The following BTBD8 variants were observed in gnomAD, a reference collection of about 807,000 sequenced individuals.
BTBD8 encodes BTB/POZ domain-containing protein 8.
A neutral mutation model predicts 162.9 loss-of-function variants in BTBD8; 110 were observed. That is an observed-to-expected ratio of 0.68 (90% CI 0.58 to 0.79). The LOEUF is 0.79. Among genes scored for constraint, BTBD8 ranks in the 30% least tolerant of loss-of-function variants. BTBD8 has a pLI of 0.00. For missense variants in BTBD8, 1,905 were observed against 2,085.4 expected (o/e 0.91, Z 1.68); for synonymous variants, 667 against 716.1 (o/e 0.93, Z 1.10).
chr1:92,105,079 C>T (rs1430751147), intron 3 of BTBD8, among the ~76,000 whole-genome samples: 1 of 151,810 alleles, frequency 6.6e-6, no homozygotes, highest in Non-Finnish European at 1.5e-5. Context: ...ACTACAGGCA[C>T]CTGCCACCAC....
intron 4 of BTBD8, among the ~76,000 whole-genome samples, chr1:92,119,893 CTTTTTTTTTTT>C (rs58297367): frequency 0.063 from 3,728 of 58,856 alleles, 245 homozygotes; most frequent in African/African-American, 0.22. Flanking sequence ...CGGCCCTTTT[CTTTTTTTTTTT>C]TTTTTTTTTT....
chr1:92,142,998 C>G (rs1048257536), intron 7 of BTBD8, among the ~76,000 whole-genome samples: 8 of 152,136 alleles, frequency 5.3e-5, no homozygotes, highest in African/African-American at 1.9e-4. Context: ...AACCATAAAT[C>G]TAGTCAGCAA....
chr1:92,167,439 G>C (rs905357756), intron 10 of BTBD8, among the ~76,000 whole-genome samples: 3 of 152,196 alleles, frequency 2.0e-5, no homozygotes, highest in African/African-American at 7.2e-5. Flanking sequence ...TAAAGGTACT[G>C]TTTTGGCCAG....
chr1:92,144,388 C>A (rs1319503959), intron 7 of BTBD8, among the ~76,000 whole-genome samples: 3 of 152,078 alleles, frequency 2.0e-5, no homozygotes, highest in Admixed American at 6.6e-5. Flanking sequence ...CCCCAGAACT[C>A]CTAGCAAGCT....
chr1:92,176,779 A>G (rs1482103463), intron 13 of BTBD8, 50 bp from the exon 14 acceptor site: 2 of 885,022 alleles, frequency 2.3e-6, no homozygotes, highest in Non-Finnish European at 3.2e-6. Flanking sequence ...AAAATATTAT[A>G]TGTTAAAGAT....
chr1:92,182,393 C>G lies in BTBD8; in HGVS notation c.4710C>G (p.Ser1570Arg). 6.5e-7 allele frequency: 1 copy of G among 1,549,498 alleles called. No individual in the cohort carries two copies. The highest frequency in any genetic ancestry group is 2.4e-5 in the East Asian group (1 of 40,890). The change falls in exon 17 of 18, where the codon AGC becomes AGG. Residue 1570 changes from serine to arginine, a missense_variant. Around this residue, in one of 3 missense-constraint regions of BTBD8, gnomAD observed 517 missense variants for 606.6 expected, o/e 0.85. Transcript: ENST00000636805. ...TGGAAAATGACATTCAGCAACGCAG[C>G]AAATTCTTGGATAGTGATGTAAAAT... ...SNVENDIQQR[S>R]KFLDSDVKSQ... is the part of the protein sequence containing the mutation.
intron 2 of BTBD8, among the ~76,000 whole-genome samples, chr1:92,090,103 G>A (rs978245034): frequency 2.6e-5 from 4 of 151,940 alleles, no homozygotes; most frequent in East Asian, 1.9e-4. Context: ...GCTATAATAC[G>A]TATATACAAA....
At chr1:92,111,751 A>G (rs1028038095) in intron 4 of BTBD8, among the ~76,000 whole-genome samples, 4 of 152,240 alleles carry the variant, frequency 2.6e-5, no homozygotes, top group East Asian at 3.8e-4. Flanking sequence ...TAAGCTTTCA[A>G]AAGTAAATGT....
intron 5 of BTBD8, among the ~76,000 whole-genome samples, chr1:92,134,124 T>C (rs1649574479): frequency 1.2e-5 from 1 of 81,996 alleles, no homozygotes; most frequent in African/African-American, 4.2e-5. Context: ...AGCCAACACT[T>C]CTGTGAAGGA....
At chr1:92,133,132 T>C (rs549284122) in intron 5 of BTBD8, among the ~76,000 whole-genome samples, 11 of 152,208 alleles carry the variant, frequency 7.2e-5, no homozygotes, top group Non-Finnish European at 1.6e-4. Flanking sequence ...AAATTCCAGT[T>C]TCCCATTAAC....
intron 1 of BTBD8, among the ~76,000 whole-genome samples, chr1:92,081,502 G>A (rs1432934153): frequency 6.6e-6 from 1 of 152,226 alleles, no homozygotes; most frequent in Non-Finnish European, 1.5e-5. Context: ...TGATGCTAAT[G>A]CTGCTGGCTA....
chr1:92,157,640 G>A (rs1650190459), intron 9 of BTBD8, among the ~76,000 whole-genome samples: 1 of 152,046 alleles, frequency 6.6e-6, no homozygotes, highest in Non-Finnish European at 1.5e-5. Flanking sequence ...TGGAACTACA[G>A]GCATGTGCCA....
intron 3 of BTBD8, among the ~76,000 whole-genome samples, chr1:92,104,966 C>G (rs1648686679): frequency 6.6e-6 from 1 of 150,662 alleles, no homozygotes; most frequent in Admixed American, 6.6e-5. Flanking sequence ...GAGTCTCACT[C>G]CGTAACCCAG....
At chr1:92,133,275 C>CT (rs1460888425) in intron 5 of BTBD8, among the ~76,000 whole-genome samples, 1 of 152,164 alleles carries the variant, frequency 6.6e-6, no homozygotes, top group Non-Finnish European at 1.5e-5. Flanking sequence ...CATTCCTTAA[C>CT]TTTCCTGAGC....
chr1:92,150,035 T>C (rs1650010833), intron 9 of BTBD8, among the ~76,000 whole-genome samples: 1 of 152,188 alleles, frequency 6.6e-6, no homozygotes, highest in Admixed American at 6.5e-5. Context: ...CCCCTACAGT[T>C]GTGTAAGGTC....
chr1:92,124,262 T>C lies in BTBD8; in HGVS notation c.663-5425T>C, dbSNP rs1485821597. Among the ~76,000 whole-genome samples, 3 of 152,250 alleles carry C rather than the reference T, an allele frequency of 2.0e-5. No individual in the cohort carries two copies. In the South Asian group the frequency reaches 6.2e-4, roughly 31 times the overall value. ...GATGCCTTGAAAGCATGCTTTCCTT[T>C]TTTTTGCTTCTTTTCTTAAATATAT... On this transcript the variant is annotated intron_variant, in intron 4 of 17. Coordinates refer to ENST00000636805, the MANE Select transcript of BTBD8 (RefSeq NM_001376131.1).
intron 12 of BTBD8, among the ~76,000 whole-genome samples, chr1:92,169,935 A>G (rs572159372): frequency 5.5e-4 from 84 of 152,316 alleles, no homozygotes; most frequent in African/African-American, 1.8e-3. Context: ...AGAATCTCTT[A>G]GAAATTGGAC....
At position 92,184,148 on chromosome 1, in the gene BTBD8, C is replaced by G. The variant is rs892107520; in HGVS notation, c.5197C>G (p.Leu1733Val). 4 of 1,551,522 alleles carry G rather than the reference C, an allele frequency of 2.6e-6. No homozygotes were observed. In the African/African-American group the frequency reaches 5.5e-5, roughly 21 times the overall value. The change falls in exon 18 of 18, where the codon CTA (leucine) becomes GTA (valine). Residue 1733 changes from leucine (L) to valine (V), a missense_variant. Physicochemically the swap from Leu to Val is conservative, Grantham distance 32 (BLOSUM62 1). This residue lies in a region of BTBD8 where 517 missense variants were observed against 606.6 expected (regional missense o/e 0.85). Transcript: ENST00000636805. ...SLAQYLINQT[L>V]LLARDSSKPQ... Reference sequence around the variant, plus strand: ...AGCACAGTATCTAATCAATCAGACACTACTTTTAGCACGAGATAGCTCAAA... The same window carrying G: ...AGCACAGTATCTAATCAATCAGACAGTACTTTTAGCACGAGATAGCTCAAA...
rs147241217 is a variant in BTBD8 at position 92,093,136 on chromosome 1, A to G, written c.347+4241A>G. On this transcript the variant is annotated intron_variant, in intron 2 of 17. Coordinates refer to ENST00000636805, the MANE Select transcript of BTBD8 (RefSeq NM_001376131.1). ...TTTAAGTACAACTTAGAAAATCACT[A>G]TCATTTTTCAGTACAGGTTATATAG... Among the ~76,000 whole-genome samples the G allele has an allele frequency of 2.8e-4, 43 of 151,364 alleles. 1 individual carries two copies. The East Asian group carries it at 7.6e-3, about 27-fold the overall frequency.
Sources: allele counts gnomAD v4.1 joint callset (sites outside exome capture counted in the v4.1 genomes callset), GRCh38; gene constraint gnomAD v4.1.1; regional missense constraint gnomAD v4.1.1; transcripts MANE v1.5; gene names NCBI Gene and HGNC (gene_info 2026-07-23, HGNC 2026-07-21).